DLG2: variants seen among roughly 807,000 people sequenced by gnomAD.
The protein encoded by DLG2 is discs large MAGUK scaffold protein 2.
A neutral mutation model predicts 132.5 loss-of-function variants in DLG2; 45 were observed. That is an observed-to-expected ratio of 0.34 (90% CI 0.27 to 0.44). DLG2 has a LOEUF of 0.44. DLG2 is among the 20% of genes least tolerant of loss of function. The pLI, the probability that DLG2 is intolerant of heterozygous loss-of-function variation, is 1.00. For synonymous variants in DLG2, 424 were observed against 419.6 expected (o/e 1.01, Z -0.13); for missense variants, 1,045 against 1,196.9 (o/e 0.87, Z 1.87).
At chr11:84,391,942 G>A (rs1415018403) in intron 7 of DLG2, among the ~76,000 whole-genome samples, 3 of 152,152 alleles carry the variant, frequency 2.0e-5, no homozygotes, top group African/African-American at 7.2e-5. Flanking sequence ...GGGAATCTGA[G>A]TGGGTCACTG....
intron 12 of DLG2, among the ~76,000 whole-genome samples, chr11:83,976,110 C>G (rs1158753657): frequency 6.6e-6 from 1 of 151,684 alleles, no homozygotes; most frequent in Non-Finnish European, 1.5e-5. Context: ...AGGTGGTGCC[C>G]AACATTATAG....
intron 7 of DLG2, among the ~76,000 whole-genome samples, chr11:84,308,609 T>C (rs2098253600): frequency 6.6e-6 from 1 of 152,018 alleles, no homozygotes; most frequent in Non-Finnish European, 1.5e-5. Context: ...GGGGCGGCGC[T>C]GGTAGGGGAG....
intron 7 of DLG2, among the ~76,000 whole-genome samples, chr11:84,396,173 T>C (rs936110445): frequency 1.3e-5 from 2 of 152,218 alleles, no homozygotes; most frequent in Non-Finnish European, 2.9e-5. Context: ...AAAAAAATCC[T>C]TTACTTATAG....
intron 3 of DLG2, among the ~76,000 whole-genome samples, chr11:85,333,853 C>T (rs1178087695): frequency 6.6e-6 from 1 of 151,320 alleles, no homozygotes; most frequent in Non-Finnish European, 1.5e-5. Flanking sequence ...AGGATTTTTG[C>T]ACCTATGTTT....
chr11:85,190,399 A>G (rs138157300), intron 4 of DLG2, among the ~76,000 whole-genome samples: 24 of 152,262 alleles, frequency 1.6e-4, no homozygotes, highest in African/African-American at 5.1e-4. Context: ...AACACCTACA[A>G]TGAAAAGTTA....
At chr11:83,689,901 T>C (rs1294449336) in intron 18 of DLG2, among the ~76,000 whole-genome samples, 1 of 145,676 alleles carries the variant, frequency 6.9e-6, no homozygotes, top group Admixed American at 7.0e-5. Context: ...TACATAAATA[T>C]ATTTATGTAA....
At chr11:85,487,129 C>T (rs1379859160) in intron 3 of DLG2, among the ~76,000 whole-genome samples, 1 of 150,218 alleles carries the variant, frequency 6.7e-6, no homozygotes, top group Non-Finnish European at 1.5e-5. Context: ...AATGTATATA[C>T]AAGATATATA....
At chr11:84,522,327 G>A (rs1367047173) in intron 7 of DLG2, among the ~76,000 whole-genome samples, 2 of 152,148 alleles carry the variant, frequency 1.3e-5, no homozygotes, top group Admixed American at 6.5e-5. Flanking sequence ...GTAATTTCAA[G>A]TTAACTTTGT....
chr11:83,936,048 C>T (rs2081356363), intron 14 of DLG2, among the ~76,000 whole-genome samples: 1 of 152,188 alleles, frequency 6.6e-6, no homozygotes, highest in Admixed American at 6.5e-5. Flanking sequence ...CTCTTAGACA[C>T]TCGAGCTCAC....
chr11:84,363,195 C>T lies in DLG2; in HGVS notation c.520-111904G>A, dbSNP rs1421365847. 3.0e-4 allele frequency among the ~76,000 whole-genome samples: 46 copies of T among 151,956 alleles called. 1 individual carries two copies. Among genetic ancestry groups the T allele is most frequent in the Middle Eastern group, 3.4e-3 (1 of 294 alleles). On this transcript the variant is annotated intron_variant, in intron 7 of 27. Coordinates refer to ENST00000376104, the MANE Select transcript of DLG2 (RefSeq NM_001142699.3). The stretch of plus-strand genomic sequence containing the variant: ...TGTTGTTTCCTGACTTTTTAATGAT[C>T]GCCATTCTAACTGGTGTGATATGAT...
At chr11:85,471,295 A>G (rs1415742845) in intron 3 of DLG2, among the ~76,000 whole-genome samples, 1 of 152,222 alleles carries the variant, frequency 6.6e-6, no homozygotes, top group Non-Finnish European at 1.5e-5. Context: ...TAAGATATAT[A>G]AACATAGATT....
Position 84,132,355 on chromosome 11 carries a change from C to T in DLG2, c.624+31106G>A, listed in dbSNP as rs78485330. On this transcript the variant is annotated intron_variant, in intron 9 of 27. Transcript: ENST00000376104. ...CTTGTAGTTGGAGAATTCCACCATG[C>T]GTTGGGGTGGTAATGTGCAGATGCT... 1.9e-3 allele frequency among the ~76,000 whole-genome samples: 293 copies of T among 152,006 alleles called. 2 individuals are homozygous for T. The highest frequency in any genetic ancestry group is 6.8e-3 in the African/African-American group (281 of 41,498).
intron 6 of DLG2, among the ~76,000 whole-genome samples, chr11:84,963,621 T>A (rs1216219867): frequency 1.3e-5 from 2 of 152,192 alleles, no homozygotes; most frequent in African/African-American, 4.8e-5. Context: ...GTTAACAGCT[T>A]AATTTCAGGA....
At chr11:85,473,512 A>G (rs1280822568) in intron 3 of DLG2, among the ~76,000 whole-genome samples, 1 of 152,232 alleles carries the variant, frequency 6.6e-6, no homozygotes, top group Non-Finnish European at 1.5e-5. Context: ...AACATTGAAC[A>G]TGAAGAGACC....
intron 3 of DLG2, among the ~76,000 whole-genome samples, chr11:85,415,309 A>ACTGGG (rs1359485415): frequency 9.9e-5 from 15 of 152,126 alleles, no homozygotes; most frequent in Non-Finnish European, 2.1e-4. Flanking sequence ...GAATAGTGCC[A>ACTGGG]CAATAAACAT....
At chr11:83,480,799 G>GT in intron 22 of DLG2, 1 of 583,442 alleles carries the variant, frequency 1.7e-6, no homozygotes, top group East Asian at 2.8e-5. Flanking sequence ...GACGCTTCTG[G>GT]TGTGTAGGCA....
Position 83,874,475 on chromosome 11 carries a change from T to A in DLG2, c.1510A>T (p.Ser504Cys). Reference protein sequence around the residue: ...DSEMTSHSQHSTATRQPSMTL... With the variant: ...DSEMTSHSQHCTATRQPSMTL... ...ATTGAAGGCTGACGAGTTGCGGTGC[T>A]ATGTTGGGAATGACTGCAAGAAAAG... is the stretch of plus-strand genomic sequence containing the variant. The change falls in exon 16 of 28, where the codon AGC becomes TGC. Residue 504 changes from serine to cysteine, a missense_variant. Coordinates refer to ENST00000376104, the MANE Select transcript of DLG2 (RefSeq NM_001142699.3). The A allele has an allele frequency of 1.9e-6, 3 of 1,599,452 alleles. No individual in the cohort carries two copies. The highest frequency in any genetic ancestry group is 1.1e-5 in the South Asian group (1 of 88,498).
At chr11:84,202,827 G>T (rs1246019204) in intron 8 of DLG2, among the ~76,000 whole-genome samples, 1 of 152,070 alleles carries the variant, frequency 6.6e-6, no homozygotes, top group African/African-American at 2.4e-5. Context: ...CTTCTCAAAA[G>T]AAGACATCAC....
chr11:84,778,522 C>T (rs1215017642), intron 6 of DLG2, among the ~76,000 whole-genome samples: 1 of 152,098 alleles, frequency 6.6e-6, no homozygotes, highest in African/African-American at 2.4e-5. Context: ...TGCATTGAAT[C>T]TGTAGATTGC....
Sources: gnomAD v4.1 joint callset for allele counts (sites outside exome capture counted in the v4.1 genomes callset) on GRCh38, gnomAD v4.1.1 for gene constraint, MANE v1.5 for transcripts, NCBI Gene and HGNC (gene_info 2026-07-23, HGNC 2026-07-21) for gene names.